LRRC26: variants seen among roughly 807,000 people sequenced by gnomAD.
The protein encoded by LRRC26 is leucine rich repeat containing 26, also known as leucine-rich repeat-containing protein 26.
Under a neutral mutation model 15.3 loss-of-function variants are expected in LRRC26, and 17 were observed. That is an observed-to-expected ratio of 1.11 (90% CI 0.76 to 1.66). LRRC26 has a LOEUF of 1.66. Ranked by LOEUF, LRRC26 falls within the 40% of genes most tolerant of loss-of-function variation. The pLI is 0.00. For synonymous variants in LRRC26, 301 were observed against 272.1 expected, an observed-to-expected ratio of 1.11 and a Z score of -1.05; for missense variants, 573 against 501.0, an observed-to-expected ratio of 1.14 and a Z score of -1.37.
At position 137,169,829 on chromosome 9, in the gene LRRC26, C is replaced by A; in HGVS notation, c.115G>T (p.Gly39Cys). 6.9e-7 allele frequency: 1 copy of A among 1,445,436 alleles called. No individual in the cohort carries two copies. Among genetic ancestry groups the A allele is most frequent in the Non-Finnish European group, 9.0e-7 (1 of 1,111,174 alleles). 89.5% of individuals were successfully genotyped at this position (1,445,436 alleles called of 1,614,324 possible). Residue 39 changes from glycine to cysteine, a missense_variant, in exon 1 of 2, where the codon GGC becomes TGC. Transcript: ENST00000371542. ...CACACCTCGGGGCAGTCCGGGGCGC[C>A]CAGGGACCCCGAGGGCGAGGCCGTG... ...SATASPSGSL[G>C]APDCPEVCTC...
rs1271666145 is a variant in LRRC26, at chr9:137,168,846, G to C, written c.*8C>G. The C allele has an allele frequency of 2.4e-6, 3 of 1,234,172 alleles. No homozygotes were observed. In the African/African-American group the frequency reaches 4.7e-5, roughly 19 times the overall value. 76.5% of individuals were successfully genotyped at this position (1,234,172 alleles called of 1,614,324 possible). On this transcript the variant is annotated 3_prime_UTR_variant, in exon 2 of 2. Coordinates refer to ENST00000371542, the MANE Select transcript of LRRC26 (RefSeq NM_001013653.3). ...GAAGCTTCGAGCGCTCCAGGCGGCC[G>C]CGGCCGCTCAGGCTTGGGCGGCAGC...
rs1035255790 is a variant in LRRC26 at position 137,168,926 on chromosome 9, G to A, written c.933C>T (p.Asn311=). Residue 311 remains asparagine (N), a synonymous_variant, in exon 2 of 2, where the codon AAC becomes AAT. Coordinates refer to ENST00000371542, the MANE Select transcript of LRRC26 (RefSeq NM_001013653.3). ...ALRPPRPPDP[N]PDPDPHGCAS... is the part of the protein sequence containing the mutation. ...CACAGCCGTGGGGGTCGGGATCGGG[G>A]TTCGGGTCTGGCGGTCTCGGCGGGC... 1.0e-5 allele frequency: 14 copies of A among 1,364,764 alleles called. No individual in the cohort carries two copies. The highest frequency in any genetic ancestry group is 1.3e-5 in the Non-Finnish European group (14 of 1,066,228). The allele number at this position is 1,364,764 out of a possible 1,614,324, so 84.5% of individuals were successfully genotyped here.
In LRRC26 at chr9:137,169,567, A is replaced by G; in HGVS notation, c.377T>C (p.Leu126Pro). 4 of 1,523,530 alleles carry G rather than the reference A, an allele frequency of 2.6e-6. No individual in the cohort carries two copies. Among genetic ancestry groups the G allele is most frequent in the Non-Finnish European group, 3.5e-6 (4 of 1,141,710 alleles). The allele number at this position is 1,523,530 out of a possible 1,614,324, so 94.4% of individuals were successfully genotyped here. The change falls in exon 1 of 2, where the codon CTG (leucine) becomes CCG (proline). Residue 126 changes from leucine (L) to proline (P), a missense_variant. Physicochemically the swap from Leu to Pro is moderately conservative, Grantham distance 98 (BLOSUM62 -3). Coordinates refer to ENST00000371542, the MANE Select transcript of LRRC26 (RefSeq NM_001013653.3). ...CAGTGCTTCCAGCTGGTTGGCGCTC[A>G]GGTCCAGCAGCTGCAGCGCGCCCAG... is the stretch of plus-strand genomic sequence containing the variant. ...WGLGALQLLD[L>P]SANQLEALAP...
In LRRC26 at chr9:137,169,138, G is replaced by T; in HGVS notation, c.721C>A (p.Pro241Thr). Residue 241 changes from proline (P) to threonine (T), a missense_variant, in exon 2 of 2, where the codon CCC (proline) becomes ACC (threonine). Coordinates refer to ENST00000371542, the MANE Select transcript of LRRC26 (RefSeq NM_001013653.3). ...GCGGCGTCGGAAAAGGCAGTCAGGG[G>T]GCTGAGCGTCAGGCGTCCCGGCCAC... is the stretch of plus-strand genomic sequence containing the variant. ...CVWPGRLTLSPLTAFSDAAFS... is the reference protein window; with the variant it reads ...CVWPGRLTLSTLTAFSDAAFS... 1 of 1,553,492 alleles carries T rather than the reference G, an allele frequency of 6.4e-7. No homozygotes were observed. The highest frequency in any genetic ancestry group is 2.6e-5 in the East Asian group (1 of 38,858).
In LRRC26 at chr9:137,170,030, C is replaced by T. The variant is rs2131321654; in HGVS notation, c.-87G>A. 7.6e-7 allele frequency: 1 copy of T among 1,323,746 alleles called. No homozygotes were observed. The highest frequency in any genetic ancestry group is 9.7e-7 in the Non-Finnish European group (1 of 1,033,636). The allele number at this position is 1,323,746 out of a possible 1,614,324, so 82.0% of individuals were successfully genotyped here. ...AGCCCGTCGTCCGCGGAGCCCGTTC[C>T]TGCGGCGCCTGCACAAATATTAACT... On this transcript the variant is annotated 5_prime_UTR_variant, in exon 1 of 2. Transcript: ENST00000371542.
At position 137,168,851 on chromosome 9, in the gene LRRC26, C is replaced by A. The variant is rs1490297232; in HGVS notation, c.*3G>T. On this transcript the variant is annotated 3_prime_UTR_variant, in exon 2 of 2. Transcript: ENST00000371542. ...TTCGAGCGCTCCAGGCGGCCGCGGC[C>A]GCTCAGGCTTGGGCGGCAGCGGCGG... is the stretch of plus-strand genomic sequence containing the variant. 2 of 1,235,412 alleles carry A rather than the reference C, an allele frequency of 1.6e-6. No individual in the cohort carries two copies. Among genetic ancestry groups the A allele is most frequent in the Non-Finnish European group, 1.0e-6 (1 of 991,870 alleles). 76.5% of individuals were successfully genotyped at this position (1,235,412 alleles called of 1,614,324 possible). A position where few individuals can be genotyped will look rare whatever the true frequency, so the allele number is the denominator to read the frequency against.
Position 137,169,659 on chromosome 9 carries a change from G to T in LRRC26, c.285C>A (p.Gly95=). Residue 95 remains glycine (G), a synonymous_variant, in exon 1 of 2, where the codon GGC becomes GGA. Coordinates refer to ENST00000371542, the MANE Select transcript of LRRC26 (RefSeq NM_001013653.3). ...ALPPGAFAGA[G]ALQRLDLREN... is the part of the protein sequence containing the mutation. ...CGCGCAGGTCCAGGCGCTGTAGCGC[G>T]CCCGCTCCCGCGAAGGCACCTGGCG... 6.7e-7 allele frequency: 1 copy of T among 1,501,932 alleles called. No homozygotes were observed. The highest frequency in any genetic ancestry group is 8.8e-7 in the Non-Finnish European group (1 of 1,132,412). The allele number at this position is 1,501,932 out of a possible 1,614,324, so 93.0% of individuals were successfully genotyped here.
chr9:137,169,484 G>T lies in LRRC26; in HGVS notation c.460C>A (p.Arg154=). The T allele has an allele frequency of 6.6e-7, 1 of 1,521,424 alleles. No homozygotes were observed. The highest frequency in any genetic ancestry group is 1.4e-5 in the African/African-American group (1 of 70,264). 94.2% of individuals were successfully genotyped at this position (1,521,424 alleles called of 1,614,324 possible). ...GCCGCGGGCTCCAGGCGCGCCAGCC[G>T]GTTGCCGGCCAATGAGAGGTTGCGC... ...ALRNLSLAGN[R]LARLEPAALG... Residue 154 remains arginine, a synonymous_variant, in exon 1 of 2, where the codon CGG becomes AGG. Transcript: ENST00000371542.
Position 137,168,883 on chromosome 9 carries a change from CCGGGTCCG to C in LRRC26, c.968_975del (p.Ala323GlyfsTer?). The C allele has an allele frequency of 7.9e-7, 1 of 1,261,238 alleles. No homozygotes were observed. The highest frequency in any genetic ancestry group is 3.1e-5 in the East Asian group (1 of 31,750). 78.1% of individuals were successfully genotyped at this position (1,261,238 alleles called of 1,614,324 possible). ...GCTTGGGCGGCAGCGGCGGGGCTCCCCGGGTCCGCGGGCGAGGCACAGCCGTGGGGGTC... is the reference window on the plus strand; with the variant it reads ...GCTTGGGCGGCAGCGGCGGGGCTCCCCGGGCGAGGCACAGCCGTGGGGGTC... On this transcript the variant is annotated frameshift_variant, in exon 2 of 2. Transcript: ENST00000371542. LOFTEE classifies it high-confidence loss of function.
chr9:137,170,009 C>G lies in LRRC26; in HGVS notation c.-66G>C. The stretch of plus-strand genomic sequence containing the variant: ...CCGCTGCCTGTGCGTCCCTGGAGCC[C>G]GTCGTCCGCGGAGCCCGTTCCTGCG... On this transcript the variant is annotated 5_prime_UTR_variant, in exon 1 of 2. Coordinates refer to ENST00000371542, the MANE Select transcript of LRRC26 (RefSeq NM_001013653.3). 2.2e-6 allele frequency: 3 copies of G among 1,360,020 alleles called. No individual in the cohort carries two copies. Among genetic ancestry groups the G allele is most frequent in the Non-Finnish European group, 2.8e-6 (3 of 1,064,286 alleles). 84.2% of individuals were successfully genotyped at this position (1,360,020 alleles called of 1,614,324 possible). A position where few individuals can be genotyped will look rare whatever the true frequency, so the allele number is the denominator to read the frequency against.
At position 137,168,921 on chromosome 9, in the gene LRRC26, T is replaced by A; in HGVS notation, c.938A>T (p.Asp313Val). Residue 313 changes from aspartate to valine, a missense_variant, in exon 2 of 2, where the codon GAT becomes GTT. Coordinates refer to ENST00000371542, the MANE Select transcript of LRRC26 (RefSeq NM_001013653.3). ...CGAGGCACAGCCGTGGGGGTCGGGATCGGGGTTCGGGTCTGGCGGTCTCGG... is the reference window on the plus strand; with the variant it reads ...CGAGGCACAGCCGTGGGGGTCGGGAACGGGGTTCGGGTCTGGCGGTCTCGG... ...RPPRPPDPNP[D>V]PDPHGCASPA... is the part of the protein sequence containing the mutation. 1 of 1,340,826 alleles carries A rather than the reference T, an allele frequency of 7.5e-7. No homozygotes were observed. Among genetic ancestry groups the A allele is most frequent in the Non-Finnish European group, 9.5e-7 (1 of 1,053,226 alleles). The allele number at this position is 1,340,826 out of a possible 1,614,324, so 83.1% of individuals were successfully genotyped here.
chr9:137,169,753 G>A lies in LRRC26; in HGVS notation c.191C>T (p.Ala64Val). Residue 64 changes from alanine (A) to valine (V), a missense_variant, in exon 1 of 2, where the codon GCC becomes GTC. Physicochemically the swap from Ala to Val is moderately conservative, Grantham distance 64 (BLOSUM62 0). Coordinates refer to ENST00000371542, the MANE Select transcript of LRRC26 (RefSeq NM_001013653.3). ...LASCSALSLP[A>V]VPPGLSLRLR... is the part of the protein sequence containing the mutation. ...GCGCAGGCTCAGGCCCGGGGGCACG[G>A]CGGGCAGCGAGAGTGCCGAGCAGCT... 7.1e-7 allele frequency: 1 copy of A among 1,404,878 alleles called. No homozygotes were observed. Among genetic ancestry groups the A allele is most frequent in the Non-Finnish European group, 9.2e-7 (1 of 1,090,466 alleles). 87.0% of individuals were successfully genotyped at this position (1,404,878 alleles called of 1,614,324 possible).
In LRRC26 at chr9:137,169,964, C is replaced by T; in HGVS notation, c.-21G>A. ...CGCATGGGGGCAGCCCCCCCGCCCC[C>T]GGCACCCGCGGTGGGAGGCCCGCTG... On this transcript the variant is annotated 5_prime_UTR_variant, in exon 1 of 2. Transcript: ENST00000371542. 3 of 1,396,588 alleles carry T rather than the reference C, an allele frequency of 2.1e-6. No homozygotes were observed. The highest frequency in any genetic ancestry group is 3.6e-5 in the Admixed American group (1 of 27,858). The allele number at this position is 1,396,588 out of a possible 1,614,324, so 86.5% of individuals were successfully genotyped here. A position where few individuals can be genotyped will look rare whatever the true frequency, so the allele number is the denominator to read the frequency against.
Position 137,169,118 on chromosome 9 carries a change from G to A in LRRC26, c.741C>T (p.Asp247=). Residue 247 remains aspartate (D), a synonymous_variant, in exon 2 of 2, where the codon GAC becomes GAT. Coordinates refer to ENST00000371542, the MANE Select transcript of LRRC26 (RefSeq NM_001013653.3). ...LTLSPLTAFS[D]AAFSHCAQPL... ...GCTGCGCGCAATGGCTAAAGGCGGCGTCGGAAAAGGCAGTCAGGGGGCTGA... is the reference window on the plus strand; with the variant it reads ...GCTGCGCGCAATGGCTAAAGGCGGCATCGGAAAAGGCAGTCAGGGGGCTGA... 3 of 1,561,038 alleles carry A rather than the reference G, an allele frequency of 1.9e-6. No individual in the cohort carries two copies. Among genetic ancestry groups the A allele is most frequent in the Non-Finnish European group, 2.6e-6 (3 of 1,160,202 alleles).
In LRRC26 at chr9:137,169,519, A is replaced by C. The variant is rs532802522; in HGVS notation, c.425T>G (p.Leu142Arg). ...CAATGAGAGGTTGCGCAGCGCGCGC[A>C]GCGGCGCGAAAGTCCCTGGTGCCAG... ...EALAPGTFAP[L>R]RALRNLSLAG... Residue 142 changes from leucine to arginine, a missense_variant, in exon 1 of 2, where the codon CTG (leucine) becomes CGG (arginine). Transcript: ENST00000371542. 726 of 1,524,306 alleles carry C rather than the reference A, an allele frequency of 4.8e-4. 11 individuals are homozygous for C. In the South Asian group the frequency reaches 6.2e-3, roughly 13 times the overall value. The allele number at this position is 1,524,306 out of a possible 1,614,324, so 94.4% of individuals were successfully genotyped here. A position where few individuals can be genotyped will look rare whatever the true frequency, so the allele number is the denominator to read the frequency against.
In LRRC26 at chr9:137,169,776, G is replaced by A; in HGVS notation, c.168C>T (p.Ser56=). 1 of 1,391,054 alleles carries A rather than the reference G, an allele frequency of 7.2e-7. No individual in the cohort carries two copies. Among genetic ancestry groups the A allele is most frequent in the Non-Finnish European group, 9.2e-7 (1 of 1,083,772 alleles). 86.2% of individuals were successfully genotyped at this position (1,391,054 alleles called of 1,614,324 possible). ...VCTCVPGGLA[S]CSALSLPAVP... ...CGGCGGGCAGCGAGAGTGCCGAGCA[G>A]CTGGCCAGGCCTCCCGGCACGCACG... Residue 56 remains serine (S), a synonymous_variant, in exon 1 of 2, where the codon AGC becomes AGT. Transcript: ENST00000371542.
At position 137,168,783 on chromosome 9, in the gene LRRC26, G is replaced by T; in HGVS notation, c.*71C>A. On this transcript the variant is annotated 3_prime_UTR_variant, in exon 2 of 2. Coordinates refer to ENST00000371542, the MANE Select transcript of LRRC26 (RefSeq NM_001013653.3). ...TTTTCGGTCTGTGTCGCTTGTTGAC[G>T]CCGGCAGACAGTGTAAAGGGAGGGC... 2 of 1,109,562 alleles carry T rather than the reference G, an allele frequency of 1.8e-6. No individual in the cohort carries two copies. The highest frequency in any genetic ancestry group is 1.6e-5 in the African/African-American group (1 of 61,396). 68.7% of individuals were successfully genotyped at this position (1,109,562 alleles called of 1,614,324 possible). A position where few individuals can be genotyped will look rare whatever the true frequency, so the allele number is the denominator to read the frequency against.
chr9:137,169,363 T>C lies in LRRC26; in HGVS notation c.581A>G (p.Asp194Gly). 6.8e-7 allele frequency: 1 copy of C among 1,480,194 alleles called. No homozygotes were observed. Among genetic ancestry groups the C allele is most frequent in the Non-Finnish European group, 8.9e-7 (1 of 1,124,574 alleles). 91.7% of individuals were successfully genotyped at this position (1,480,194 alleles called of 1,614,324 possible). Residue 194 changes from aspartate (D) to glycine (G), a missense_variant, in exon 1 of 2, where the codon GAC becomes GGC. Physicochemically the swap from Asp to Gly is moderately conservative, Grantham distance 94 (BLOSUM62 -1). Transcript: ENST00000371542. ...PGLLGRLPALDALHLRGNPWG... is the reference protein window; with the variant it reads ...PGLLGRLPALGALHLRGNPWG... ...AGGGTTGCCGCGCAGGTGCAGCGCG[T>C]CTAGAGCGGGCAGGCGGCCCAGCAG...
In LRRC26 at chr9:137,169,649, G is replaced by A. The variant is rs369462214; in HGVS notation, c.295C>T (p.Arg99Cys). 196 of 1,504,324 alleles carry A rather than the reference G, an allele frequency of 1.3e-4. No homozygotes were observed. The African/African-American group carries it at 2.7e-3, about 21-fold the overall frequency. 93.2% of individuals were successfully genotyped at this position (1,504,324 alleles called of 1,614,324 possible). ...AGCCCGTTCTCGCGCAGGTCCAGGC[G>A]CTGTAGCGCGCCCGCTCCCGCGAAG... ...GAFAGAGALQ[R>C]LDLRENGLHS... is the part of the protein sequence containing the mutation. The change falls in exon 1 of 2, where the codon CGC becomes TGC. Residue 99 changes from arginine to cysteine, a missense_variant. Arg to Cys is a radical substitution (Grantham distance 180). Transcript: ENST00000371542.
Sources: gnomAD v4.1 joint callset for allele counts on GRCh38, gnomAD v4.1.1 for gene constraint, MANE v1.5 for transcripts, NCBI Gene and HGNC (gene_info 2026-07-23, HGNC 2026-07-21) for gene names.